ITPR1: variants seen among roughly 807,000 people sequenced by gnomAD.
ITPR1 encodes inositol 1,4,5-trisphosphate-gated calcium channel ITPR1.
ITPR1 carries 96 observed loss-of-function variants against 318.4 expected under a neutral mutation model. The observed-to-expected ratio is 0.30, with a 90% CI of 0.26 to 0.36. The LOEUF is 0.36. Ranked by LOEUF, ITPR1 falls within the 10% of genes least tolerant of loss-of-function variation. The pLI is 1.00. For synonymous variants in ITPR1, 1,312 were observed against 1,289.9 expected (o/e 1.02, Z -0.37); for missense variants, 2,440 against 3,460.2 (o/e 0.71, Z 7.40).
chr3:4,605,633 C>G (rs778354961), intron 4 of ITPR1, among the ~76,000 whole-genome samples: 2 of 152,118 alleles, frequency 1.3e-5, no homozygotes, highest in African/African-American at 2.4e-5. Flanking sequence ...TATGAATGAT[C>G]AAGCAGCTGT....
intron 61 of ITPR1, among the ~76,000 whole-genome samples, chr3:4,842,907 C>T (rs537106337): frequency 3.3e-5 from 5 of 151,958 alleles, no homozygotes; most frequent in East Asian, 1.9e-4. Flanking sequence ...ATAGATAGTA[C>T]GTGTGAATGT....
intron 60 of ITPR1, among the ~76,000 whole-genome samples, chr3:4,823,864 C>A (rs1471735391): frequency 1.3e-5 from 2 of 151,992 alleles, no homozygotes; most frequent in African/African-American, 2.4e-5. Flanking sequence ...TCATATATAC[C>A]CCATACATTT....
At chr3:4,638,867 G>A (rs141145556) in intron 5 of ITPR1, among the ~76,000 whole-genome samples, 25 of 152,206 alleles carry the variant, frequency 1.6e-4, no homozygotes, top group African/African-American at 4.1e-4. Flanking sequence ...ATCAGGTACC[G>A]TGCAGTGGAG....
Position 4,789,565 on chromosome 3 carries a change from T to C in ITPR1, c.6808+1426T>C, listed in dbSNP as rs367762695. ...TTTTGTCCTTCACTGGGATATTCCA[T>C]CATTCCAGCTTTAGGGAATAATCCT... On this transcript the variant is annotated intron_variant, in intron 52 of 61. Transcript: ENST00000649015. Among the ~76,000 whole-genome samples, 50 of 152,252 alleles carry C rather than the reference T, an allele frequency of 3.3e-4. 1 individual carries two copies. In the South Asian group the frequency reaches 8.9e-3, roughly 27 times the overall value.
chr3:4,575,795 A>G (rs2088583012), intron 4 of ITPR1, among the ~76,000 whole-genome samples: 1 of 152,102 alleles, frequency 6.6e-6, no homozygotes, highest in African/African-American at 2.4e-5. Context: ...CTGAGGCAGA[A>G]GCATCGCTTG....
intron 2 of ITPR1, among the ~76,000 whole-genome samples, chr3:4,504,879 T>A (rs2081289624): frequency 6.6e-6 from 1 of 152,192 alleles, no homozygotes; most frequent in Non-Finnish European, 1.5e-5. Context: ...GGGAGACTTG[T>A]GCTCACTCTG....
At chr3:4,767,845 G>T (rs1388434647) in intron 45 of ITPR1, among the ~76,000 whole-genome samples, 1 of 152,154 alleles carries the variant, frequency 6.6e-6, no homozygotes, top group African/African-American at 2.4e-5. Flanking sequence ...CCTCATTTCA[G>T]ACTCATGTCA....
chr3:4,713,829 G>A (rs969316921), intron 39 of ITPR1, among the ~76,000 whole-genome samples: 2 of 152,188 alleles, frequency 1.3e-5, no homozygotes, highest in Non-Finnish European at 2.9e-5. Context: ...TTTCTTTCCA[G>A]TCTGGTTAGG....
chr3:4,550,232 T>C (rs12495382), intron 4 of ITPR1, among the ~76,000 whole-genome samples: 35,892 of 152,098 alleles, frequency 0.24, 4,712 homozygotes, highest in African/African-American at 0.34. Context: ...ATGTTGGGGA[T>C]TTCCAGCACA....
At chr3:4,502,822 C>A (rs1476938064) in intron 2 of ITPR1, among the ~76,000 whole-genome samples, 1 of 152,044 alleles carries the variant, frequency 6.6e-6, no homozygotes, top group Non-Finnish European at 1.5e-5. Context: ...TGGCTCACGC[C>A]TGTAATCCTA....
chr3:4,567,771 T>A (rs568174982), intron 4 of ITPR1, among the ~76,000 whole-genome samples: 4 of 152,138 alleles, frequency 2.6e-5, no homozygotes, highest in African/African-American at 9.6e-5. Context: ...CCAGCTAATT[T>A]TTTTGTACTT....
At chr3:4,564,540 C>T (rs2087020659) in intron 4 of ITPR1, among the ~76,000 whole-genome samples, 1 of 152,110 alleles carries the variant, frequency 6.6e-6, no homozygotes, top group Non-Finnish European at 1.5e-5. Flanking sequence ...TCCTGAAATT[C>T]CTATGTTGAA....
At chr3:4,823,560 A>C (rs1382055819) in intron 60 of ITPR1, among the ~76,000 whole-genome samples, 1 of 152,236 alleles carries the variant, frequency 6.6e-6, no homozygotes, top group East Asian at 1.9e-4. Context: ...AAGCACAAAA[A>C]GACAAATATT....
In ITPR1 at chr3:4,765,892, A is replaced by G. The variant is rs1404469134; in HGVS notation, c.5545-638A>G. Among the ~76,000 whole-genome samples, 2 of 152,162 alleles carry G rather than the reference A, an allele frequency of 1.3e-5. 1 individual carries two copies. Among genetic ancestry groups the G allele is most frequent in the East Asian group, 3.9e-4 (2 of 5,194 alleles). On this transcript the variant is annotated intron_variant, in intron 44 of 61. Transcript: ENST00000649015. ...TGAGCTTCTTCATTTAACCACTCTT[A>G]CCTGTCCTTTGAAGCCTGATTTGAA... is the stretch of plus-strand genomic sequence containing the variant.
At chr3:4,694,413 CATTAAAAT>C (rs1031091733) in intron 33 of ITPR1, among the ~76,000 whole-genome samples, 2 of 145,350 alleles carry the variant, frequency 1.4e-5, no homozygotes, top group African/African-American at 5.1e-5. Flanking sequence ...ATTTATATTA[CATTAAAAT>C]ATATGACATA....
At chr3:4,571,329 C>T (rs552058647) in intron 4 of ITPR1, among the ~76,000 whole-genome samples, 3 of 152,008 alleles carry the variant, frequency 2.0e-5, no homozygotes, top group Admixed American at 6.6e-5. Flanking sequence ...TTTCTCTTCT[C>T]TTCTCTTCCC....
chr3:4,826,554 C>T lies in ITPR1; in HGVS notation c.8028+8312C>T, dbSNP rs1200585924. ...CTGGACTCGCCGCCCAGCCAGCCAG[C>T]CAGGCCTCTCTCACCCCACCCTGTG... On this transcript the variant is annotated intron_variant, in intron 60 of 61. Transcript: ENST00000649015. This position sits in a 1 kb window ranked among gnomAD's most constrained non-coding sequence, Gnocchi z 4.2. Among the ~76,000 whole-genome samples, 1 of 152,202 alleles carries T rather than the reference C, an allele frequency of 6.6e-6. No individual in the cohort carries two copies. The highest frequency in any genetic ancestry group is 2.4e-5 in the African/African-American group (1 of 41,442).
chr3:4,843,541 T>C (rs775612509), intron 61 of ITPR1, among the ~76,000 whole-genome samples: 1 of 152,200 alleles, frequency 6.6e-6, no homozygotes, highest in African/African-American at 2.4e-5. Flanking sequence ...TCAGAAACTC[T>C]GTTTCTGATC....
intron 6 of ITPR1, among the ~76,000 whole-genome samples, chr3:4,640,454 C>G (rs1001782057): frequency 1.3e-5 from 2 of 152,200 alleles, no homozygotes; most frequent in African/African-American, 4.8e-5. Flanking sequence ...GTTCCATCCT[C>G]TTCAGAATGG....
Sources: allele counts gnomAD v4.1 joint callset (sites outside exome capture counted in the v4.1 genomes callset), GRCh38; gene constraint gnomAD v4.1.1; non-coding constraint Gnocchi (gnomAD v3.1); transcripts MANE v1.5; gene names NCBI Gene and HGNC (gene_info 2026-07-23, HGNC 2026-07-21).